DESI1: variants seen among roughly 807,000 people sequenced by gnomAD.
DESI1 encodes the protein PPPDE peptidase domain containing 2.
A neutral mutation model predicts 22.4 loss-of-function variants in DESI1; 17 were observed. That is an observed-to-expected ratio of 0.76 (90% CI 0.52 to 1.14). The LOEUF (loss-of-function observed/expected upper bound fraction) is 1.14, where lower values mean the gene tolerates loss of function less well. DESI1 is among the 50% of genes most tolerant of loss of function. The probability of loss-of-function intolerance (pLI) is 0.00; values close to 1 mark genes in which losing one functional copy is unlikely to be tolerated. For missense variants in DESI1, 177 were observed against 208.9 expected (o/e 0.85, Z 0.94); for synonymous variants, 92 against 84.2 (o/e 1.09, Z -0.51).
At chr22:41,617,927 C>T (rs1032734475) in intron 1 of DESI1, among the ~76,000 whole-genome samples, 4 of 152,218 alleles carry the variant, frequency 2.6e-5, no homozygotes, top group African/African-American at 9.6e-5. Context: ...TCAGGCCAGA[C>T]TCTTTCCTGT....
chr22:41,607,863 T>G lies in DESI1; in HGVS notation c.89-2A>C. 6.2e-7 allele frequency: 1 copy of G among 1,614,206 alleles called. No homozygotes were observed. Among genetic ancestry groups the G allele is most frequent in the African/African-American group, 1.3e-5 (1 of 75,060 alleles). ...ACCAGATGCCTTCCAGTTGTTTCCCTGTGGAGAGAAGAAGAGATTTAGCCA... is the reference window on the plus strand; with the variant it reads ...ACCAGATGCCTTCCAGTTGTTTCCCGGTGGAGAGAAGAAGAGATTTAGCCA... On this transcript the variant is annotated splice_acceptor_variant, in intron 1 of 5. Coordinates refer to ENST00000263256, the MANE Select transcript of DESI1 (RefSeq NM_015704.3). LOFTEE classifies it high-confidence loss of function.
rs1439129815 is a variant in DESI1 at position 41,598,514 on chromosome 22, AG to A, written c.*2582del. On this transcript the variant is annotated 3_prime_UTR_variant, in exon 6 of 6. Transcript: ENST00000263256. Reference sequence around the variant, plus strand: ...ACAGGCAATGGCACAAATGGCTGCTAGTATAAAGGGGGGTGCTGTTCAAGGA... The same window carrying A: ...ACAGGCAATGGCACAAATGGCTGCTATATAAAGGGGGGTGCTGTTCAAGGA... 6.6e-6 allele frequency: 1 copy of A among 152,286 alleles called. No homozygotes were observed. The highest frequency in any genetic ancestry group is 2.4e-5 in the African/African-American group (1 of 41,444). The allele number at this position is 152,286 out of a possible 1,614,324, so 9.4% of individuals were successfully genotyped here.
At chr22:41,612,376 G>C (rs921131187) in intron 1 of DESI1, among the ~76,000 whole-genome samples, 5 of 152,062 alleles carry the variant, frequency 3.3e-5, no homozygotes, top group Admixed American at 6.5e-5. Flanking sequence ...AGGCATGGTG[G>C]CACACACCTG....
chr22:41,611,714 T>C (rs1279520855), intron 1 of DESI1, among the ~76,000 whole-genome samples: 1 of 150,956 alleles, frequency 6.6e-6, no homozygotes, highest in Non-Finnish European at 1.5e-5. Context: ...TGCCTCAGCC[T>C]CCTAAGTAGC....
intron 1 of DESI1, among the ~76,000 whole-genome samples, chr22:41,617,728 C>T (rs2067559062): frequency 6.6e-6 from 1 of 152,224 alleles, no homozygotes; most frequent in South Asian, 2.1e-4. Flanking sequence ...AGGTGATTTC[C>T]TCAGATCAGA....
chr22:41,601,217 G>C (rs775734834), intron 5 of DESI1, 27 bp from the exon 6 acceptor site: 2 of 1,586,488 alleles, frequency 1.3e-6, no homozygotes, highest in Admixed American at 3.5e-5. Context: ...ACATGAGAGG[G>C]GTGGGCTCTG....
chr22:41,607,254 A>T lies in DESI1; in HGVS notation c.180+8T>A. 1.2e-6 allele frequency: 2 copies of T among 1,607,096 alleles called. No homozygotes were observed. Among genetic ancestry groups the T allele is most frequent in the Non-Finnish European group, 1.7e-6 (2 of 1,176,578 alleles). ...ACTGCAGGACAGAGTGTAGGGGAAG[A>T]CACTCACCGGGGGGCAGCTGGAGAT... is the stretch of plus-strand genomic sequence containing the variant. On this transcript the variant is annotated splice_region_variant and intron_variant, in intron 3 of 5. Coordinates refer to ENST00000263256, the MANE Select transcript of DESI1 (RefSeq NM_015704.3).
intron 1 of DESI1, among the ~76,000 whole-genome samples, chr22:41,612,063 C>T (rs1426475523): frequency 1.3e-5 from 2 of 152,046 alleles, no homozygotes; most frequent in African/African-American, 2.4e-5. Flanking sequence ...TACTACCTTC[C>T]AGGCACTATC....
Position 41,620,960 on chromosome 22 carries a change from C to A in DESI1, c.-121G>T. 1 of 1,103,172 alleles carries A rather than the reference C, an allele frequency of 9.1e-7. No homozygotes were observed. The highest frequency in any genetic ancestry group is 1.3e-6 in the Non-Finnish European group (1 of 772,384). 68.3% of individuals were successfully genotyped at this position (1,103,172 alleles called of 1,614,324 possible). ...GGGGGGGACCGAGCCCGGGCCCGGG[C>A]TGAGGGGTGGGGGAGAGGCCGCCCT... On this transcript the variant is annotated 5_prime_UTR_variant, in exon 1 of 6. Coordinates refer to ENST00000263256, the MANE Select transcript of DESI1 (RefSeq NM_015704.3).
At chr22:41,602,532 C>CT in intron 5 of DESI1, 1 of 985,488 alleles carries the variant, frequency 1.0e-6, no homozygotes, top group South Asian at 4.7e-5. Context: ...GCCAGGATCT[C>CT]TGTTAAATAA....
At chr22:41,605,859 A>G (rs898767209) in intron 3 of DESI1, among the ~76,000 whole-genome samples, 2 of 152,244 alleles carry the variant, frequency 1.3e-5, no homozygotes, top group Non-Finnish European at 2.9e-5. Flanking sequence ...CTGAGGGATC[A>G]GGGAAGACTT....
chr22:41,611,875 G>T (rs931960911), intron 1 of DESI1, among the ~76,000 whole-genome samples: 1 of 152,136 alleles, frequency 6.6e-6, no homozygotes, highest in African/African-American at 2.4e-5. Context: ...ACAGGCGTGA[G>T]CTACCGCGCC....
intron 1 of DESI1, among the ~76,000 whole-genome samples, chr22:41,617,475 C>G (rs2067557577): frequency 6.6e-6 from 1 of 152,170 alleles, no homozygotes; most frequent in African/African-American, 2.4e-5. Flanking sequence ...TTTAAAGGTT[C>G]AAATGTATTT....
At chr22:41,608,512 G>A (rs1049808376) in intron 1 of DESI1, among the ~76,000 whole-genome samples, 2 of 152,114 alleles carry the variant, frequency 1.3e-5, no homozygotes, top group Non-Finnish European at 2.9e-5. Flanking sequence ...GACAAGTAAG[G>A]GCAGGGATGG....
intron 1 of DESI1, among the ~76,000 whole-genome samples, chr22:41,619,792 A>T (rs1206688437): frequency 6.6e-6 from 1 of 152,208 alleles, no homozygotes; most frequent in African/African-American, 2.4e-5. Flanking sequence ...AGATGAACTA[A>T]ATCATTCGCC....
chr22:41,607,811 G>T (rs746390290), intron 2 of DESI1, 29 bp downstream of exon 2: 1 of 1,614,008 alleles, frequency 6.2e-7, no homozygotes, highest in Non-Finnish European at 8.5e-7. Flanking sequence ...TTCAAAACTA[G>T]TCAAAGTAAG....
At chr22:41,603,641 GT>G (rs1177797021) in intron 4 of DESI1, among the ~76,000 whole-genome samples, 2 of 152,248 alleles carry the variant, frequency 1.3e-5, no homozygotes, top group African/African-American at 4.8e-5. Flanking sequence ...GAACTCTGGT[GT>G]TAAGAGTTTA....
At position 41,607,301 on chromosome 22, in the gene DESI1, C is replaced by T. The variant is rs779437358; in HGVS notation, c.141G>A (p.Glu47=). Residue 47 remains glutamate (E), a synonymous_variant, in exon 3 of 6, where the codon GAG becomes GAA. Coordinates refer to ENST00000263256, the MANE Select transcript of DESI1 (RefSeq NM_015704.3). ...AGATACCACCACTGCCGAAGAAGAA[C>T]TCATCCTTGTGCACAACTATGGATG... ...WHTSIVVHKD[E]FFFGSGGISS... 1.2e-6 allele frequency: 2 copies of T among 1,612,834 alleles called. No homozygotes were observed. Among genetic ancestry groups the T allele is most frequent in the Non-Finnish European group, 1.7e-6 (2 of 1,179,418 alleles).
intron 1 of DESI1, among the ~76,000 whole-genome samples, chr22:41,612,348 A>G (rs1381239041): frequency 1.3e-5 from 2 of 151,974 alleles, no homozygotes; most frequent in African/African-American, 4.8e-5. Flanking sequence ...ATCTCTACTA[A>G]AAGTACAAAA....
Sources: gnomAD v4.1 joint callset for allele counts (sites outside exome capture counted in the v4.1 genomes callset) on GRCh38, gnomAD v4.1.1 for gene constraint, MANE v1.5 for transcripts, NCBI Gene and HGNC (gene_info 2026-07-23, HGNC 2026-07-21) for gene names.